HIP1: variants seen among roughly 807,000 people sequenced by gnomAD.
The protein encoded by HIP1 is huntingtin interacting protein 1.
In HIP1, 65 loss-of-function variants were observed where a neutral mutation model predicts 147.6. The observed-to-expected ratio is 0.44, with a 90% CI of 0.36 to 0.54. HIP1 has a LOEUF of 0.54. HIP1 is among the 20% of genes least tolerant of loss of function. The pLI, the probability that HIP1 is intolerant of heterozygous loss-of-function variation, is 0.00. For synonymous variants in HIP1, 479 were observed against 504.0 expected (o/e 0.95, Z 0.67); for missense variants, 1,061 against 1,299.6 (o/e 0.82, Z 2.82).
chr7:75,639,733 G>A (rs189739238), intron 1 of HIP1, among the ~76,000 whole-genome samples: 1 of 152,248 alleles, frequency 6.6e-6, no homozygotes, highest in Non-Finnish European at 1.5e-5. Flanking sequence ...ACATTCCAGT[G>A]GGGGCAGGGG....
intron 1 of HIP1, among the ~76,000 whole-genome samples, chr7:75,703,034 G>C (rs1299301679): frequency 1.3e-5 from 2 of 152,044 alleles, no homozygotes; most frequent in African/African-American, 2.4e-5. Flanking sequence ...ACTTCTGGTA[G>C]AGAAAAAAAT....
chr7:75,738,865 A>G lies in HIP1; in HGVS notation c.56T>C (p.Leu19Pro). 1 of 1,580,668 alleles carries G rather than the reference A, an allele frequency of 6.3e-7. No homozygotes were observed. Among genetic ancestry groups the G allele is most frequent in the Non-Finnish European group, 8.6e-7 (1 of 1,165,278 alleles). Residue 19 changes from leucine to proline, a missense_variant, in exon 1 of 31, where the codon CTG (leucine) becomes CCG (proline). Transcript: ENST00000336926. Reference sequence around the variant, plus strand: ...CCCAGCGCCGACCCCGCGCCGGCTCAGCACCTTGGGCAGTGGGTTGGGCAC... The same window carrying G: ...CCCAGCGCCGACCCCGCGCCGGCTCGGCACCTTGGGCAGTGGGTTGGGCAC... ...KQVPNPLPKV[L>P]SRRGVGAGLE...
chr7:75,611,619 G>A (rs1341607829), intron 1 of HIP1: 1 of 990,476 alleles, frequency 1.0e-6, no homozygotes, highest in South Asian at 4.7e-5. Context: ...ATGCCTGGGG[G>A]CCCCTCCCAG....
At chr7:75,575,645 C>T (rs995612216) in intron 7 of HIP1, among the ~76,000 whole-genome samples, 2 of 152,118 alleles carry the variant, frequency 1.3e-5, no homozygotes, top group Admixed American at 6.6e-5. Context: ...CACGCTGGGG[C>T]TCCCTCCACA....
Position 75,568,140 on chromosome 7 carries a change from C to T in HIP1, c.803+59G>A. The T allele has an allele frequency of 1.6e-6, 2 of 1,233,514 alleles. No homozygotes were observed. Among genetic ancestry groups the T allele is most frequent in the Non-Finnish European group, 2.4e-6 (2 of 832,904 alleles). The allele number at this position is 1,233,514 out of a possible 1,614,324, so 76.4% of individuals were successfully genotyped here. On this transcript the variant is annotated intron_variant, in intron 9 of 30. Transcript: ENST00000336926. This position sits in a 1 kb window ranked among gnomAD's most constrained non-coding sequence, Gnocchi z 4.1. Reference sequence around the variant, plus strand: ...CACCTCTCACAGTGCACTTGCATGGCTTAATGATTTTATAGCGCTCTTGAA... The same window carrying T: ...CACCTCTCACAGTGCACTTGCATGGTTTAATGATTTTATAGCGCTCTTGAA...
At position 75,573,894 on chromosome 7, in the gene HIP1, G is replaced by A; in HGVS notation, c.612C>T (p.Asn204=). ...CELNLFQTVF[N]SLDMSRSVSV... is the part of the protein sequence containing the mutation. ...ACACAGAGCGGGACATGTCCAGGGA[G>A]TTGAATACTAGGAAATAAAAGTGAG... The change falls in exon 8 of 31, where the codon AAC becomes AAT. Residue 204 remains asparagine (N), a synonymous_variant. Coordinates refer to ENST00000336926, the MANE Select transcript of HIP1 (RefSeq NM_005338.7). 8 of 1,611,548 alleles carry A rather than the reference G, an allele frequency of 5.0e-6. No individual in the cohort carries two copies. Among genetic ancestry groups the A allele is most frequent in the Non-Finnish European group, 5.9e-6 (7 of 1,177,970 alleles).
chr7:75,737,275 G>A (rs2079204), intron 1 of HIP1, among the ~76,000 whole-genome samples: 2 of 151,762 alleles, frequency 1.3e-5, no homozygotes, highest in African/African-American at 4.8e-5. Flanking sequence ...TTGCCCAGGT[G>A]GGGGGCCAAA....
intron 1 of HIP1, among the ~76,000 whole-genome samples, chr7:75,710,407 G>T (rs1448942299): frequency 6.6e-6 from 1 of 152,026 alleles, no homozygotes; most frequent in African/African-American, 2.4e-5. Context: ...GCTTAATTTG[G>T]TATACTAATA....
At position 75,536,593 on chromosome 7, in the gene HIP1, G is replaced by A. The variant is rs1175995535; in HGVS notation, c.*1579C>T. On this transcript the variant is annotated 3_prime_UTR_variant, in exon 31 of 31. Transcript: ENST00000336926. ...CTGTTGGGCTGCCCATCCCTGGCAA[G>A]CTGTTCATGTGCCCTCTGTCCTCAT... The A allele has an allele frequency of 8.7e-6, 2 of 230,512 alleles. No homozygotes were observed. Among genetic ancestry groups the A allele is most frequent in the Admixed American group, 1.1e-4 (2 of 17,666 alleles). The allele number at this position is 230,512 out of a possible 1,614,324, so 14.3% of individuals were successfully genotyped here. A position where few individuals can be genotyped will look rare whatever the true frequency, so the allele number is the denominator to read the frequency against.
chr7:75,593,248 C>T (rs1279152623), intron 2 of HIP1, among the ~76,000 whole-genome samples: 2 of 152,176 alleles, frequency 1.3e-5, no homozygotes, highest in East Asian at 3.8e-4. Context: ...GGGTTACAGG[C>T]ATGAACCACT....
chr7:75,559,991 T>C (rs1795166964), intron 13 of HIP1, 76 bp from the exon 14 acceptor site: 3 of 1,380,276 alleles, frequency 2.2e-6, no homozygotes, highest in Non-Finnish European at 2.9e-6. Flanking sequence ...AAGCGGGTCC[T>C]ACCATGCTTC....
intron 1 of HIP1, among the ~76,000 whole-genome samples, chr7:75,709,849 A>G (rs1455498358): frequency 1.3e-5 from 2 of 152,032 alleles, no homozygotes; most frequent in Non-Finnish European, 2.9e-5. Context: ...ATGTTGAGAT[A>G]GTTTCCTCTA....
At chr7:75,640,573 G>A (rs1480061764) in intron 1 of HIP1, among the ~76,000 whole-genome samples, 1 of 151,862 alleles carries the variant, frequency 6.6e-6, no homozygotes, top group Non-Finnish European at 1.5e-5. Context: ...CCAAAATGAC[G>A]AAACTCCCGT....
intron 2 of HIP1, among the ~76,000 whole-genome samples, chr7:75,595,252 C>CTTTCTTTT (rs1236147985): frequency 1.2e-5 from 1 of 80,712 alleles, no homozygotes. Flanking sequence ...TTCTTTCTTT[C>CTTTCTTTT]TTCCTTCCTT....
At chr7:75,584,327 C>T (rs782282384) in intron 5 of HIP1, among the ~76,000 whole-genome samples, 1 of 152,150 alleles carries the variant, frequency 6.6e-6, no homozygotes, top group Non-Finnish European at 1.5e-5. Context: ...CACCTCAAGC[C>T]TTGGCCTCCC....
intron 1 of HIP1, among the ~76,000 whole-genome samples, chr7:75,634,538 G>C (rs2117136346): frequency 6.6e-6 from 1 of 152,332 alleles, no homozygotes; most frequent in Non-Finnish European, 1.5e-5. Flanking sequence ...TGGAATATCA[G>C]ATGTCACTTT....
At chr7:75,541,380 A>G (rs908435123) in intron 29 of HIP1, among the ~76,000 whole-genome samples, 1 of 151,962 alleles carries the variant, frequency 6.6e-6, no homozygotes, top group Non-Finnish European at 1.5e-5. Context: ...AATACAAAAA[A>G]TTAGCCAGGC....
Position 75,692,143 on chromosome 7 carries a change from C to T in HIP1, c.120+46658G>A, listed in dbSNP as rs146063533. Among the ~76,000 whole-genome samples, 34 of 152,284 alleles carry T rather than the reference C, an allele frequency of 2.2e-4. No individual in the cohort carries two copies. In the East Asian group the frequency reaches 6.2e-3, roughly 28 times the overall value. On this transcript the variant is annotated intron_variant, in intron 1 of 30. Coordinates refer to ENST00000336926, the MANE Select transcript of HIP1 (RefSeq NM_005338.7). ...GTTTCCAGTTTCCGTTGTCTCCCCC[C>T]GTCCCAATTCCACTCCCCAAAGGCA...
chr7:75,586,209 T>C (rs1211138566), intron 5 of HIP1, among the ~76,000 whole-genome samples: 1 of 151,846 alleles, frequency 6.6e-6, no homozygotes, highest in Non-Finnish European at 1.5e-5. Context: ...TTTTGTTTTT[T>C]TTTTTGAGAC....
Sources: gnomAD v4.1 joint callset for allele counts (sites outside exome capture counted in the v4.1 genomes callset) on GRCh38, gnomAD v4.1.1 for gene constraint, Gnocchi (gnomAD v3.1) non-coding constraint, MANE v1.5 for transcripts, NCBI Gene and HGNC (gene_info 2026-07-23, HGNC 2026-07-21) for gene names.